The following PIGK variants were observed in gnomAD, a reference collection of about 807,000 sequenced individuals.
PIGK encodes GPI-anchor transamidase.
PIGK carries 42 observed loss-of-function variants against 50.6 expected under a neutral mutation model. The observed-to-expected ratio is 0.83, with a 90% confidence interval of 0.65 to 1.07. The LOEUF (loss-of-function observed/expected upper bound fraction) is 1.07. Among genes scored for constraint, PIGK ranks in the 50% least tolerant of loss-of-function variants. The pLI is 0.00. For missense variants in PIGK, 448 were observed against 488.7 expected, an observed-to-expected ratio of 0.92 and a Z score of 0.78; for synonymous variants, 151 against 156.0, an observed-to-expected ratio of 0.97 and a Z score of 0.24.
In PIGK at chr1:77,195,012, C is replaced by T. The variant is rs1438737998; in HGVS notation, c.239+11628G>A. 3 of 747,954 alleles carry T rather than the reference C, an allele frequency of 4.0e-6. No individual in the cohort carries two copies. The East Asian group carries it at 1.2e-4, about 29-fold the overall frequency. The allele number at this position is 747,954 out of a possible 1,614,324, so 46.3% of individuals were successfully genotyped here. On this transcript the variant is annotated intron_variant, in intron 3 of 10. Transcript: ENST00000370812. ...GCAGTGAAAAAGCTCCAAACTCCAC[C>T]AAGCTCCTGCAGAAGAATAACCTGA...
intron 5 of PIGK, among the ~76,000 whole-genome samples, chr1:77,164,728 CTT>C (rs1355878772): frequency 1.3e-5 from 2 of 151,928 alleles, no homozygotes; most frequent in East Asian, 3.9e-4. Flanking sequence ...TCAGTTCCCA[CTT>C]AACACCCTGG....
chr1:77,132,264 T>C (rs575790248), intron 9 of PIGK, among the ~76,000 whole-genome samples: 12 of 152,132 alleles, frequency 7.9e-5, no homozygotes, highest in African/African-American at 2.9e-4. Context: ...GTGATATAGC[T>C]GGATTTACAA....
chr1:77,206,826 AGAAACAGTAT>A (rs1254534778), intron 2 of PIGK, 95 bp from the exon 3 acceptor site: 1 of 723,520 alleles, frequency 1.4e-6, no homozygotes, highest in East Asian at 2.6e-5. Context: ...GAGATCTCTA[AGAAACAGTAT>A]GCCATAATTC....
At chr1:77,120,471 C>T (rs1654072438) in intron 10 of PIGK, among the ~76,000 whole-genome samples, 1 of 152,210 alleles carries the variant, frequency 6.6e-6, no homozygotes, top group Non-Finnish European at 1.5e-5. Flanking sequence ...CCATCCACCT[C>T]AGCCTCCCAA....
intron 1 of PIGK, among the ~76,000 whole-genome samples, chr1:77,216,021 C>T (rs1656556412): frequency 2.0e-5 from 3 of 152,032 alleles, no homozygotes. Flanking sequence ...CCTTCTATAG[C>T]ACTTTAGAGT....
chr1:77,199,197 T>G (rs895737436), intron 3 of PIGK, among the ~76,000 whole-genome samples: 1 of 152,060 alleles, frequency 6.6e-6, no homozygotes, highest in African/African-American at 2.4e-5. Context: ...ACTGTTCTCC[T>G]CAGAACACAT....
intron 10 of PIGK, among the ~76,000 whole-genome samples, chr1:77,121,318 G>A (rs1247365353): frequency 1.3e-5 from 2 of 152,056 alleles, no homozygotes; most frequent in East Asian, 3.9e-4. Context: ...AAGCACAGAC[G>A]AGCTTCCCAA....
At chr1:77,185,588 G>A (rs1175772825) in intron 3 of PIGK, among the ~76,000 whole-genome samples, 1 of 152,096 alleles carries the variant, frequency 6.6e-6, no homozygotes, top group Non-Finnish European at 1.5e-5. Context: ...GGATTTTGGA[G>A]GCAACACATT....
intron 9 of PIGK, among the ~76,000 whole-genome samples, chr1:77,126,110 C>T (rs1350479111): frequency 6.6e-6 from 1 of 152,076 alleles, no homozygotes; most frequent in East Asian, 1.9e-4. Context: ...TCATGGTGTC[C>T]TTTCATAATG....
chr1:77,097,176 C>T (rs12093439), intron 10 of PIGK, among the ~76,000 whole-genome samples: 32,920 of 151,834 alleles, frequency 0.22, 3,946 homozygotes, highest in East Asian at 0.36. Context: ...AACAGCATGA[C>T]GGGCAGCAAA....
intron 10 of PIGK, among the ~76,000 whole-genome samples, chr1:77,108,514 C>T (rs1428119290): frequency 1.3e-5 from 2 of 151,066 alleles, no homozygotes; most frequent in Non-Finnish European, 2.9e-5. Context: ...TCTCTGGCTG[C>T]CCTTAACATT....
At chr1:77,164,741 C>A (rs1228421025) in intron 5 of PIGK, among the ~76,000 whole-genome samples, 2 of 151,714 alleles carry the variant, frequency 1.3e-5, no homozygotes, top group East Asian at 3.9e-4. Context: ...AACACCCTGG[C>A]CAGATTCTTG....
intron 9 of PIGK, among the ~76,000 whole-genome samples, chr1:77,144,451 C>A (rs1287621684): frequency 6.6e-6 from 1 of 151,814 alleles, no homozygotes; most frequent in African/African-American, 2.4e-5. Context: ...AGGTGCTATG[C>A]ATTTAGTGTT....
intron 9 of PIGK, among the ~76,000 whole-genome samples, chr1:77,141,098 A>G (rs2100542710): frequency 6.6e-6 from 1 of 152,290 alleles, no homozygotes; most frequent in Non-Finnish European, 1.5e-5. Flanking sequence ...AGAAATAAAC[A>G]TTATAAAAAT....
At chr1:77,183,709 C>G (rs543833863) in intron 3 of PIGK, among the ~76,000 whole-genome samples, 2 of 152,138 alleles carry the variant, frequency 1.3e-5, no homozygotes, top group Non-Finnish European at 2.9e-5. Flanking sequence ...TTTAATGTTG[C>G]ACCTCGAGGA....
At chr1:77,194,649 G>A (rs547983467) in intron 3 of PIGK, among the ~76,000 whole-genome samples, 1 of 131,798 alleles carries the variant, frequency 7.6e-6, no homozygotes, top group Non-Finnish European at 1.6e-5. Context: ...GGTGGAGGGT[G>A]GGGGGAGGGT....
chr1:77,172,070 A>ATTTTTTTTTTTTTTTTTTT (rs34115617), intron 3 of PIGK, among the ~76,000 whole-genome samples: 41 of 130,942 alleles, frequency 3.1e-4, no homozygotes, highest in Non-Finnish European at 3.5e-4. Flanking sequence ...TCTACATTTA[A>ATTTTTTTTTTTTTTTTTTT]TTTTTTTTTT....
chr1:77,184,520 A>G (rs1175568354), intron 3 of PIGK, among the ~76,000 whole-genome samples: 3 of 152,214 alleles, frequency 2.0e-5, no homozygotes. Context: ...GCGGAAAGGG[A>G]AATGATCAGA....
chr1:77,113,384 A>T (rs1215502131), intron 10 of PIGK, among the ~76,000 whole-genome samples: 1 of 152,088 alleles, frequency 6.6e-6, no homozygotes, highest in Non-Finnish European at 1.5e-5. Context: ...TGAACCCTAA[A>T]TTACTATGAC....
Sources: allele counts gnomAD v4.1 joint callset (sites outside exome capture counted in the v4.1 genomes callset), GRCh38; gene constraint gnomAD v4.1.1; transcripts MANE v1.5; gene names NCBI Gene and HGNC (gene_info 2026-07-23, HGNC 2026-07-21).